LRP5: variants seen among roughly 807,000 people sequenced by gnomAD.
LRP5 encodes LDL receptor related protein 5, also known as low-density lipoprotein receptor-related protein 5.
LRP5 carries 62 observed loss-of-function variants against 154.1 expected under a neutral mutation model. The ratio of observed to expected loss-of-function variants is 0.40; its 90% confidence interval spans 0.33 to 0.50. LRP5 has a LOEUF of 0.50. LRP5 is among the 20% of genes least tolerant of loss of function. The pLI is 0.55. For synonymous variants in LRP5, 966 were observed against 1,011.5 expected, an observed-to-expected ratio of 0.96 and a Z score of 0.85; for missense variants, 1,915 against 2,336.7, an observed-to-expected ratio of 0.82 and a Z score of 3.72.
At position 68,406,671 on chromosome 11, in the gene LRP5, C is replaced by T; in HGVS notation, c.1949C>T (p.Thr650Ile). 1 of 1,614,194 alleles carries T rather than the reference C, an allele frequency of 6.2e-7. No homozygotes were observed. The highest frequency in any genetic ancestry group is 1.1e-5 in the South Asian group (1 of 91,084). ...CIVPEAFLVF[T>I]SRAAIHRISL... Reference sequence around the variant, plus strand: ...GTGCCTGAGGCCTTCTTGGTCTTCACCAGCAGAGCCGCCATCCACAGGATC... The same window carrying T: ...GTGCCTGAGGCCTTCTTGGTCTTCATCAGCAGAGCCGCCATCCACAGGATC... The change falls in exon 9 of 23, where the codon ACC becomes ATC. Residue 650 changes from threonine to isoleucine, a missense_variant. Transcript: ENST00000294304.
chr11:68,425,836 C>T, intron 15 of LRP5, 142 bp from the exon 16 acceptor site: 2 of 744,278 alleles, frequency 2.7e-6, no homozygotes, highest in South Asian at 1.6e-5. Flanking sequence ...TCCAGGGACT[C>T]TGCTGCAGCT....
rs775598320 is a variant in LRP5 at position 68,386,408 on chromosome 11, G to A, written c.1108G>A (p.Asp370Asn). The A allele has an allele frequency of 6.2e-7, 1 of 1,614,028 alleles. No individual in the cohort carries two copies. The highest frequency in any genetic ancestry group is 8.5e-7 in the Non-Finnish European group (1 of 1,180,042). Residue 370 changes from aspartate (D) to asparagine (N), a missense_variant, in exon 6 of 23, where the codon GAC (aspartate) becomes AAC (asparagine). This residue lies in a region of LRP5 where 773 missense variants were observed against 1,100.9 expected (regional missense o/e 0.70). Transcript: ENST00000294304. This position sits in a 1 kb window ranked among gnomAD's most constrained non-coding sequence, Gnocchi z 7.9. The stretch of plus-strand genomic sequence containing the variant: ...CTTCACCGACATCGTGCTGCAGGTG[G>A]ACGACATCCGGCACGCCATTGCCAT... ...PDFTDIVLQV[D>N]DIRHAIAIDY...
intron 5 of LRP5, among the ~76,000 whole-genome samples, chr11:68,376,245 G>A (rs185875364): frequency 6.8e-6 from 1 of 146,334 alleles, no homozygotes; most frequent in Non-Finnish European, 1.5e-5. Flanking sequence ...GCAATGGCGC[G>A]ATCTCCGCTA....
Position 68,391,220 on chromosome 11 carries a change from C to T in LRP5, c.1584+1168C>T, listed in dbSNP as rs537132082. On this transcript the variant is annotated intron_variant, in intron 7 of 22. Transcript: ENST00000294304. ...CTGGTCTCACATGATCCACCTGCCTCGGCCTCCCAAAGTGTTGGGATTACA... is the reference window on the plus strand; with the variant it reads ...CTGGTCTCACATGATCCACCTGCCTTGGCCTCCCAAAGTGTTGGGATTACA... Among the ~76,000 whole-genome samples the T allele has an allele frequency of 3.9e-5, 6 of 152,328 alleles. No individual in the cohort carries two copies. In the East Asian group the frequency reaches 7.7e-4, roughly 20 times the overall value.
chr11:68,360,736 G>A (rs986740812), intron 3 of LRP5, among the ~76,000 whole-genome samples: 23 of 152,344 alleles, frequency 1.5e-4, no homozygotes, highest in Middle Eastern at 3.4e-3. Flanking sequence ...CATGGCTTAC[G>A]CGTGTAATCC....
intron 4 of LRP5, among the ~76,000 whole-genome samples, chr11:68,365,175 C>T (rs1428655251): frequency 6.6e-6 from 1 of 152,112 alleles, no homozygotes; most frequent in Non-Finnish European, 1.5e-5. Context: ...GCCATTGGAG[C>T]GTGGGGGGCA....
Position 68,448,776 on chromosome 11 carries a change from C to T in LRP5, c.4587-33C>T, listed in dbSNP as rs775634756. On this transcript the variant is annotated intron_variant, in intron 22 of 22. Transcript: ENST00000294304. ...TGCCCACCAGGGCGGATGTGCCTAC[C>T]GAATCCCACTCCTCTGTGTGTGTCC... 1.1e-5 allele frequency: 17 copies of T among 1,600,372 alleles called. 1 individual carries two copies. Among genetic ancestry groups the T allele is most frequent in the Admixed American group, 5.0e-5 (3 of 59,998 alleles).
chr11:68,442,757 T>G (rs1186990369), intron 21 of LRP5, among the ~76,000 whole-genome samples: 1 of 152,220 alleles, frequency 6.6e-6, no homozygotes, highest in Non-Finnish European at 1.5e-5. Flanking sequence ...TGCTATTGTT[T>G]TCCTCATTTT....
intron 21 of LRP5, chr11:68,445,820 G>A: frequency 2.1e-6 from 1 of 475,450 alleles, no homozygotes; most frequent in African/African-American, 2.0e-5. Flanking sequence ...CCCGCTTTGG[G>A]GCTGGTGCCA....
Position 68,446,428 on chromosome 11 carries a change from C to T in LRP5, c.4489-8C>T. 1 of 1,599,728 alleles carries T rather than the reference C, an allele frequency of 6.3e-7. No individual in the cohort carries two copies. The highest frequency in any genetic ancestry group is 8.6e-7 in the Non-Finnish European group (1 of 1,166,932). ...GGCTCTAAGTCACCCTGGCTTGGCT[C>T]TCCTCAGATCCTGAACCCGCCGCCC... is the stretch of plus-strand genomic sequence containing the variant. On this transcript the variant is annotated splice_region_variant and splice_polypyrimidine_tract_variant and intron_variant, in intron 21 of 22. Coordinates refer to ENST00000294304, the MANE Select transcript of LRP5 (RefSeq NM_002335.4).
At chr11:68,369,661 A>G (rs775684831) in intron 5 of LRP5, among the ~76,000 whole-genome samples, 7 of 152,098 alleles carry the variant, frequency 4.6e-5, no homozygotes, top group Non-Finnish European at 5.9e-5. Flanking sequence ...AATCCCAGCT[A>G]TTTGGGAGAC....
At chr11:68,381,037 C>T (rs974703298) in intron 5 of LRP5, among the ~76,000 whole-genome samples, 2 of 152,176 alleles carry the variant, frequency 1.3e-5, no homozygotes, top group African/African-American at 2.4e-5. Context: ...CCTATATCCA[C>T]GGTGCTGGTG....
intron 8 of LRP5, among the ~76,000 whole-genome samples, chr11:68,406,162 C>G (rs2098655542): frequency 6.6e-6 from 1 of 152,204 alleles, no homozygotes; most frequent in Non-Finnish European, 1.5e-5. Context: ...CTGACAAGGT[C>G]CAGTCAGAGC....
chr11:68,369,507 G>A (rs189421373), intron 5 of LRP5, among the ~76,000 whole-genome samples: 7 of 152,188 alleles, frequency 4.6e-5, no homozygotes, highest in South Asian at 2.1e-4. Context: ...CAAGCAGATC[G>A]TGCAGTCGTG....
In LRP5 at chr11:68,423,689, G is replaced by C. The variant is rs767509386; in HGVS notation, c.3228G>C (p.Ala1076=). 24 of 1,610,674 alleles carry C rather than the reference G, an allele frequency of 1.5e-5. No individual in the cohort carries two copies. The East Asian group carries it at 5.1e-4, about 34-fold the overall frequency. The change falls in exon 14 of 23, where the codon GCG becomes GCC. Residue 1076 remains alanine, a synonymous_variant. Coordinates refer to ENST00000294304, the MANE Select transcript of LRP5 (RefSeq NM_002335.4). The surrounding 1 kb of genome is among the most constrained non-coding windows in gnomAD (Gnocchi z 4.7). ...RDKPRAIVVN[A]ERGYLYFTNM... Reference sequence around the variant, plus strand: ...AGCCCAGGGCCATCGTCGTCAACGCGGAGCGAGGGTAGGAGGCCAACGGGT... The same window carrying C: ...AGCCCAGGGCCATCGTCGTCAACGCCGAGCGAGGGTAGGAGGCCAACGGGT...
intron 1 of LRP5, 26 bp from the exon 2 acceptor site, chr11:68,347,821 C>A: frequency 6.2e-7 from 1 of 1,612,140 alleles, no homozygotes; most frequent in Non-Finnish European, 8.5e-7. Context: ...AGCCAGTGGC[C>A]CTCACGGTTT....
chr11:68,299,027 G>A, the LRP5 span, among the ~76,000 whole-genome samples: 13 of 152,228 alleles, frequency 8.5e-5, no homozygotes, highest in Middle Eastern at 3.4e-3. Flanking sequence ...GACATCCGCC[G>A]TCCCGATCTT....
Position 68,429,565 on chromosome 11 carries a change from G to C in LRP5, c.3638-10G>C. ...GCCTGACCTCTGTTTGTCTTGTTTTGTCTTTGCAGCAGCCCACCCATGTGC... is the reference window on the plus strand; with the variant it reads ...GCCTGACCTCTGTTTGTCTTGTTTTCTCTTTGCAGCAGCCCACCCATGTGC... On this transcript the variant is annotated splice_polypyrimidine_tract_variant and intron_variant, in intron 16 of 22. Transcript: ENST00000294304. The C allele has an allele frequency of 6.2e-7, 1 of 1,614,088 alleles. No homozygotes were observed. The highest frequency in any genetic ancestry group is 1.3e-5 in the African/African-American group (1 of 75,038).
In LRP5 at chr11:68,312,778, C is replaced by A. The variant is rs1474195508; in HGVS notation, c.64C>A (p.Leu22Met). The A allele has an allele frequency of 5.5e-6, 6 of 1,082,448 alleles. No homozygotes were observed. Among genetic ancestry groups the A allele is most frequent in the Non-Finnish European group, 6.8e-6 (6 of 888,366 alleles). The allele number at this position is 1,082,448 out of a possible 1,614,324, so 67.1% of individuals were successfully genotyped here. A position where few individuals can be genotyped will look rare whatever the true frequency, so the allele number is the denominator to read the frequency against. The change falls in exon 1 of 23, where the codon CTG (leucine) becomes ATG (methionine). Residue 22 changes from leucine (L) to methionine (M), a missense_variant. Leu to Met is a conservative substitution (Grantham distance 15). Around this residue, in one of 3 missense-constraint regions of LRP5, gnomAD observed 48 missense variants for 25.7 expected, o/e 1.87. Transcript: ENST00000294304. ...GCTGCTGCTGCTGCTGCTGCTGGCG[C>A]TGTGCGGCTGCCCGGCCCCCGCCGC... ...LLLLLLLLLA[L>M]CGCPAPAAAS...
Sources: gnomAD v4.1 joint callset for allele counts (sites outside exome capture counted in the v4.1 genomes callset) on GRCh38, gnomAD v4.1.1 for gene constraint, gnomAD v4.1.1 regional missense constraint, Gnocchi (gnomAD v3.1) non-coding constraint, MANE v1.5 for transcripts, NCBI Gene and HGNC (gene_info 2026-07-23, HGNC 2026-07-21) for gene names.